Variants in SRSF12 observed in about 807,000 individuals in gnomAD.
SRSF12 encodes serine and arginine rich splicing factor 12, also known as serine/arginine-rich splicing factor 12.
In SRSF12, 21 loss-of-function variants were observed where a neutral mutation model predicts 34.1. The ratio of observed to expected loss-of-function variants is 0.62; its 90% CI spans 0.44 to 0.89. SRSF12 has a LOEUF of 0.89. Ranked by LOEUF, SRSF12 falls within the 40% of genes least tolerant of loss-of-function variation. The probability of loss-of-function intolerance (pLI) is 0.00; values close to 1 mark genes in which losing one functional copy is unlikely to be tolerated. For missense variants in SRSF12, 278 were observed against 327.8 expected (o/e 0.85, Z 1.17); for synonymous variants, 111 against 110.8 (o/e 1.00, Z -0.01).
At position 89,117,968 on chromosome 6, in the gene SRSF12, G is replaced by T; in HGVS notation, c.-81C>A. 1 of 1,442,716 alleles carries T rather than the reference G, an allele frequency of 6.9e-7. No homozygotes were observed. The highest frequency in any genetic ancestry group is 9.3e-7 in the Non-Finnish European group (1 of 1,077,250). 89.4% of individuals were successfully genotyped at this position (1,442,716 alleles called of 1,614,324 possible). A position where few individuals can be genotyped will look rare whatever the true frequency, so the allele number is the denominator to read the frequency against. ...TCCCGCTACCGCTGCTACCACCACA[G>T]GAGCTCCGCCGGCCCCCGGCGCGAC... is the stretch of plus-strand genomic sequence containing the variant. On this transcript the variant is annotated 5_prime_UTR_variant, in exon 1 of 5. It adds an upstream start codon to the 5' untranslated region. Transcript: ENST00000452027.
At chr6:89,102,873 C>T (rs769041243) in intron 4 of SRSF12, among the ~76,000 whole-genome samples, 1 of 152,118 alleles carries the variant, frequency 6.6e-6, no homozygotes, top group African/African-American at 2.4e-5. Flanking sequence ...CACCTCAGTC[C>T]ACCCTCTCCC....
chr6:89,110,098 A>G (rs2127994906), intron 1 of SRSF12, among the ~76,000 whole-genome samples: 1 of 152,334 alleles, frequency 6.6e-6, no homozygotes, highest in South Asian at 2.1e-4. Flanking sequence ...CTCAAAAAAA[A>G]AAAATTATTT....
intron 1 of SRSF12, among the ~76,000 whole-genome samples, chr6:89,110,979 C>T (rs560415861): frequency 1.3e-5 from 2 of 152,008 alleles, no homozygotes; most frequent in African/African-American, 4.8e-5. Flanking sequence ...ATTAGCTGGG[C>T]GTGGTGTCTA....
intron 4 of SRSF12, 42 bp from the exon 5 acceptor site, chr6:89,098,989 A>G (rs760248765): frequency 1.9e-5 from 30 of 1,547,410 alleles, no homozygotes; most frequent in Non-Finnish European, 2.5e-5. Flanking sequence ...TTCACACAAA[A>G]TAAGAGATCA....
intron 1 of SRSF12, among the ~76,000 whole-genome samples, chr6:89,110,745 G>A (rs1769007867): frequency 1.3e-5 from 2 of 151,980 alleles, no homozygotes; most frequent in Non-Finnish European, 2.9e-5. Flanking sequence ...TAGGCTGGAG[G>A]GTATGCCTAC....
chr6:89,107,513 T>C (rs568056710), intron 1 of SRSF12, among the ~76,000 whole-genome samples: 1 of 152,160 alleles, frequency 6.6e-6, no homozygotes, highest in East Asian at 1.9e-4. Context: ...GTGGATCACT[T>C]GAACCCAGGA....
chr6:89,107,322 G>A, intron 1 of SRSF12, 64 bp from the exon 2 acceptor site: 1 of 1,301,672 alleles, frequency 7.7e-7, no homozygotes, highest in Non-Finnish European at 1.1e-6. Context: ...TTTGCCTACA[G>A]AAATCCACTT....
chr6:89,103,170 C>T (rs1768615705), intron 4 of SRSF12, among the ~76,000 whole-genome samples: 1 of 152,140 alleles, frequency 6.6e-6, no homozygotes, highest in Non-Finnish European at 1.5e-5. Context: ...GTGGTCCTTC[C>T]ATCCCTGATA....
At chr6:89,107,542 C>A (rs2127993574) in intron 1 of SRSF12, among the ~76,000 whole-genome samples, 1 of 152,172 alleles carries the variant, frequency 6.6e-6, no homozygotes, top group African/African-American at 2.4e-5. Context: ...CCAGCCTGGG[C>A]AACATGGTGA....
chr6:89,117,844 CTGA>C lies in SRSF12; in HGVS notation c.41_43del (p.Ile14del). The C allele has an allele frequency of 6.4e-7, 1 of 1,560,108 alleles. No homozygotes were observed. Among genetic ancestry groups the C allele is most frequent in the Non-Finnish European group, 8.7e-7 (1 of 1,155,466 alleles). On this transcript the variant is annotated inframe_deletion, in exon 1 of 5. Coordinates refer to ENST00000452027, the MANE Select transcript of SRSF12 (RefSeq NM_080743.5). ...TCACCTGGTGGCGTCCGCGACGTTC[CTGA>C]TGAACAGGGAGGTGTTGGGGGGCCT...
At chr6:89,104,016 T>TTG (rs1768665893) in intron 4 of SRSF12, among the ~76,000 whole-genome samples, 3 of 69,854 alleles carry the variant, frequency 4.3e-5, no homozygotes, top group African/African-American at 1.4e-4. Context: ...TTTTTTTTTT[T>TTG]TGGAGAGACG....
chr6:89,114,733 C>T (rs1562209896), intron 1 of SRSF12, among the ~76,000 whole-genome samples: 1 of 152,174 alleles, frequency 6.6e-6, no homozygotes, highest in African/African-American at 2.4e-5. Context: ...TTTTATTTGG[C>T]CTGCATGACG....
At chr6:89,100,522 TA>T (rs35086229) in intron 4 of SRSF12, among the ~76,000 whole-genome samples, 7,910 of 144,592 alleles carry the variant, frequency 0.055, 343 homozygotes, top group African/African-American at 0.13. Flanking sequence ...CATGTTATGT[TA>T]AAAAAAAAAA....
At chr6:89,103,898 T>A (rs1768654273) in intron 4 of SRSF12, among the ~76,000 whole-genome samples, 1 of 152,166 alleles carries the variant, frequency 6.6e-6, no homozygotes, top group Non-Finnish European at 1.5e-5. Context: ...ACTGCCATAC[T>A]TGGAATTTAT....
intron 4 of SRSF12, among the ~76,000 whole-genome samples, chr6:89,103,331 C>CTT (rs554480396): frequency 3.5e-5 from 5 of 141,382 alleles, no homozygotes; most frequent in Non-Finnish European, 4.7e-5. Context: ...AATTTAAATT[C>CTT]TTTTTTTTTT....
chr6:89,098,791 T>G lies in SRSF12; in HGVS notation c.573A>C (p.Ser191=), dbSNP rs775716564. Residue 191 remains serine, a synonymous_variant, in exon 5 of 5, where the codon TCA becomes TCC. Transcript: ENST00000452027. ...RSKSLQKRSK[S]IGKSQSSSPQ... is the part of the protein sequence containing the mutation. ...GTGAACTTGACTGTGATTTTCCTAT[T>G]GACTTGGACCTCTTTTGTAAGGACT... The G allele has an allele frequency of 8.1e-6, 13 of 1,613,878 alleles. No individual in the cohort carries two copies. The Admixed American group carries it at 1.2e-4, about 14-fold the overall frequency.
At chr6:89,116,710 G>A (rs763602407) in intron 1 of SRSF12, among the ~76,000 whole-genome samples, 9 of 151,578 alleles carry the variant, frequency 5.9e-5, no homozygotes, top group Non-Finnish European at 1.2e-4. Flanking sequence ...GGGAGGCAGA[G>A]GTTGCAGCCA....
At chr6:89,109,494 GATT>G (rs746196772) in intron 1 of SRSF12, among the ~76,000 whole-genome samples, 25 of 152,298 alleles carry the variant, frequency 1.6e-4, no homozygotes, top group Middle Eastern at 6.8e-3. Flanking sequence ...GTAGAGCTAG[GATT>G]CAAATGAAGG....
chr6:89,114,301 A>T (rs143114605), intron 1 of SRSF12, among the ~76,000 whole-genome samples: 3,294 of 152,210 alleles, frequency 0.022, 48 homozygotes, highest in Admixed American at 0.032. Context: ...GGTGGCACAC[A>T]TCTGTAATCC....
Sources: allele counts gnomAD v4.1 joint callset (sites outside exome capture counted in the v4.1 genomes callset), GRCh38; gene constraint gnomAD v4.1.1; transcripts MANE v1.5; gene names NCBI Gene and HGNC (gene_info 2026-07-23, HGNC 2026-07-21).